Variants in RBM47 observed in about 807,000 individuals in gnomAD.
RBM47 encodes RNA binding motif protein 47, also known as RNA-binding protein 47.
RBM47 carries 21 observed loss-of-function variants against 47.1 expected under a neutral mutation model. The ratio of observed to expected loss-of-function variants is 0.45; its 90% confidence interval spans 0.32 to 0.64. The LOEUF is 0.64. Ranked by LOEUF, RBM47 falls within the 30% of genes least tolerant of loss-of-function variation. The probability of loss-of-function intolerance (pLI) is 0.05; values close to 1 mark genes in which losing one functional copy is unlikely to be tolerated. For synonymous variants in RBM47, 375 were observed against 361.7 expected, an observed-to-expected ratio of 1.04 and a Z score of -0.42; for missense variants, 708 against 870.9, an observed-to-expected ratio of 0.81 and a Z score of 2.35.
chr4:40,513,341 C>T (rs1349111362), intron 2 of RBM47, among the ~76,000 whole-genome samples: 1 of 152,200 alleles, frequency 6.6e-6, no homozygotes, highest in Non-Finnish European at 1.5e-5. Context: ...AGATCCCACA[C>T]CCTTGTTATA....
At chr4:40,474,521 T>C (rs1268022228) in intron 2 of RBM47, among the ~76,000 whole-genome samples, 1 of 152,210 alleles carries the variant, frequency 6.6e-6, no homozygotes, top group African/African-American at 2.4e-5. Context: ...GAAAATGGAA[T>C]CTGCAATAAC....
intron 1 of RBM47, among the ~76,000 whole-genome samples, chr4:40,556,091 G>C (rs112956329): frequency 1.3e-5 from 2 of 149,900 alleles, no homozygotes; most frequent in Non-Finnish European, 3.0e-5. Context: ...GCTGGAGTGC[G>C]GTGGCGTGAT....
intron 1 of RBM47, among the ~76,000 whole-genome samples, chr4:40,577,197 T>G (rs1169616035): frequency 1.3e-5 from 2 of 152,210 alleles, no homozygotes; most frequent in African/African-American, 4.8e-5. Context: ...ATAGCCTTCC[T>G]GGAGTGCTGA....
At chr4:40,436,002 C>A (rs75497060) in intron 5 of RBM47, among the ~76,000 whole-genome samples, 635 of 111,002 alleles carry the variant, frequency 5.7e-3, no homozygotes, top group Non-Finnish European at 6.7e-3. Context: ...ACTAAAAATA[C>A]AAAAAAAAAA....
chr4:40,581,131 A>C (rs1732862882), intron 1 of RBM47, among the ~76,000 whole-genome samples: 1 of 152,140 alleles, frequency 6.6e-6, no homozygotes, highest in African/African-American at 2.4e-5. Flanking sequence ...AGTCTAAAGA[A>C]AAGGAGAAAG....
intron 1 of RBM47, among the ~76,000 whole-genome samples, chr4:40,597,071 T>C (rs1336094554): frequency 6.6e-6 from 1 of 152,046 alleles, no homozygotes; most frequent in Non-Finnish European, 1.5e-5. Flanking sequence ...CCATCCTGGC[T>C]AACATGGTGA....
Position 40,596,562 on chromosome 4 carries a change from A to C in RBM47, c.-240+32834T>G, listed in dbSNP as rs372188283. On this transcript the variant is annotated intron_variant, in intron 1 of 6. Transcript: ENST00000295971. ...CTACTCAAATCCGCCATGTTGAGCAAAACAGTCATAAATAGGTCTTTACAC... is the reference window on the plus strand; with the variant it reads ...CTACTCAAATCCGCCATGTTGAGCACAACAGTCATAAATAGGTCTTTACAC... 1.9e-4 allele frequency among the ~76,000 whole-genome samples: 29 copies of C among 152,304 alleles called. 1 individual carries two copies. Among genetic ancestry groups the C allele is most frequent in the South Asian group, 1.2e-3 (6 of 4,818 alleles).
chr4:40,531,172 T>C (rs181214290), intron 2 of RBM47, among the ~76,000 whole-genome samples: 204 of 152,024 alleles, frequency 1.3e-3, no homozygotes, highest in Non-Finnish European at 2.3e-3. Flanking sequence ...ACGAAACCTG[T>C]TTGCCATTCC....
intron 3 of RBM47, among the ~76,000 whole-genome samples, chr4:40,445,452 G>C (rs1203990046): frequency 1.3e-5 from 2 of 152,116 alleles, no homozygotes; most frequent in Non-Finnish European, 2.9e-5. Flanking sequence ...TTCCAAAAGA[G>C]ATACAAGAGG....
intron 2 of RBM47, among the ~76,000 whole-genome samples, chr4:40,510,226 T>C (rs1281571747): frequency 1.3e-5 from 2 of 148,226 alleles, no homozygotes; most frequent in Non-Finnish European, 3.0e-5. Context: ...ACTTACATGG[T>C]AGAGCTCAGC....
chr4:40,535,404 G>C (rs1204121843), intron 2 of RBM47, among the ~76,000 whole-genome samples: 20 of 67,540 alleles, frequency 3.0e-4, no homozygotes, highest in African/African-American at 1.4e-3. Flanking sequence ...ACGGAGCCTT[G>C]CTCTGTCACC....
chr4:40,618,787 C>A (rs562527796), intron 1 of RBM47, among the ~76,000 whole-genome samples: 3 of 108,418 alleles, frequency 2.8e-5, no homozygotes, highest in African/African-American at 1.1e-4. Flanking sequence ...CCAGCCTAGG[C>A]AACAGAGCGA....
At chr4:40,629,054 C>A (rs1737993606) in intron 1 of RBM47, among the ~76,000 whole-genome samples, 1 of 152,054 alleles carries the variant, frequency 6.6e-6, no homozygotes, top group African/African-American at 2.4e-5. Context: ...CTGTAATAAT[C>A]TGAGTCTAAA....
chr4:40,444,638 T>G (rs1714221696), intron 3 of RBM47, among the ~76,000 whole-genome samples: 1 of 151,768 alleles, frequency 6.6e-6, no homozygotes, highest in African/African-American at 2.4e-5. Flanking sequence ...AATGATAACT[T>G]AATTTCAGGA....
chr4:40,476,137 T>C (rs1278069344), intron 2 of RBM47, among the ~76,000 whole-genome samples: 1 of 152,194 alleles, frequency 6.6e-6, no homozygotes, highest in African/African-American at 2.4e-5. Context: ...TACAGCTACA[T>C]GCAGAGATAA....
rs1560363505 is a variant in RBM47 at position 40,438,840 on chromosome 4, G to A, written c.54C>T (p.Ser18=). 2 of 1,557,614 alleles carry A rather than the reference G, an allele frequency of 1.3e-6. No individual in the cohort carries two copies. Among genetic ancestry groups the A allele is most frequent in the Non-Finnish European group, 1.7e-6 (2 of 1,157,314 alleles). The change falls in exon 4 of 7, where the codon TCC becomes TCT. Residue 18 remains serine (S), a synonymous_variant. Transcript: ENST00000295971. ...AAMSSDSAAG[S]SAKVPEGVAG... is the part of the protein sequence containing the mutation. Reference sequence around the variant, plus strand: ...CCACGCCCTCGGGCACCTTGGCGGAGGACCCGGCGGCCGAGTCACTGCTCA... The same window carrying A: ...CCACGCCCTCGGGCACCTTGGCGGAAGACCCGGCGGCCGAGTCACTGCTCA...
Position 40,438,593 on chromosome 4 carries a change from G to A in RBM47, c.301C>T (p.Arg101Cys). ...TTGCCGTCAAAGTCCATCATGAGGC[G>A]CAGCTCGTAGATGCGGCCCACGGCC... ...FEAVGRIYELRLMMDFDGKNR... is the reference protein window; with the variant it reads ...FEAVGRIYELCLMMDFDGKNR... The change falls in exon 4 of 7, where the codon CGC (arginine) becomes TGC (cysteine). Residue 101 changes from arginine to cysteine, a missense_variant. Arg to Cys is a radical substitution (Grantham distance 180). Transcript: ENST00000295971. 1 of 1,613,948 alleles carries A rather than the reference G, an allele frequency of 6.2e-7. No individual in the cohort carries two copies. The highest frequency in any genetic ancestry group is 8.5e-7 in the Non-Finnish European group (1 of 1,179,966).
intron 1 of RBM47, among the ~76,000 whole-genome samples, chr4:40,561,091 T>A (rs1002020365): frequency 6.6e-6 from 1 of 151,940 alleles, no homozygotes; most frequent in Non-Finnish European, 1.5e-5. Context: ...CTCCCAACAA[T>A]CAAGCCTGGT....
chr4:40,512,186 C>A (rs1353438226), intron 2 of RBM47, among the ~76,000 whole-genome samples: 1 of 151,920 alleles, frequency 6.6e-6, no homozygotes, highest in African/African-American at 2.4e-5. Context: ...TTTGGGAGGC[C>A]AAGGCAGGTG....
Sources: gnomAD v4.1 joint callset for allele counts (sites outside exome capture counted in the v4.1 genomes callset) on GRCh38, gnomAD v4.1.1 for gene constraint, MANE v1.5 for transcripts, NCBI Gene and HGNC (gene_info 2026-07-23, HGNC 2026-07-21) for gene names.